KALRN: variants seen among roughly 807,000 people sequenced by gnomAD.
KALRN encodes the protein kalirin RhoGEF kinase, also known as kalirin.
A neutral mutation model predicts 353.7 loss-of-function variants in KALRN; 70 were observed. That is an observed-to-expected ratio of 0.20 (90% CI 0.16 to 0.24). KALRN has a LOEUF of 0.24. Ranked by LOEUF, KALRN falls within the 10% of genes least tolerant of loss-of-function variation. The probability of loss-of-function intolerance (pLI) is 1.00; values close to 1 mark genes in which losing one functional copy is unlikely to be tolerated. For synonymous variants in KALRN, 1,391 were observed against 1,434.8 expected, an observed-to-expected ratio of 0.97 and a Z score of 0.69; for missense variants, 2,791 against 3,756.7, an observed-to-expected ratio of 0.74 and a Z score of 6.72.
chr3:124,222,102 A>G (rs959740785), intron 1 of KALRN, among the ~76,000 whole-genome samples: 3 of 152,198 alleles, frequency 2.0e-5, no homozygotes, highest in Admixed American at 1.3e-4. Context: ...TCTTGGTGAC[A>G]GTATTTATGC....
Position 124,436,603 on chromosome 3 carries a change from T to C in KALRN, c.3048+2078T>C, listed in dbSNP as rs922017293. Among the ~76,000 whole-genome samples the C allele has an allele frequency of 2.8e-5, 4 of 143,122 alleles. 1 individual carries two copies. The highest frequency in any genetic ancestry group is 7.0e-5 in the Admixed American group (1 of 14,318). 93.9% of individuals were successfully genotyped at this position (143,122 alleles called of 152,430 possible). Reference sequence around the variant, plus strand: ...TTTGGTGACAGATCTTCTCATGTGATGCTAGAGATGGGACTGGAGAAGTCA... The same window carrying C: ...TTTGGTGACAGATCTTCTCATGTGACGCTAGAGATGGGACTGGAGAAGTCA... On this transcript the variant is annotated intron_variant, in intron 17 of 59. Transcript: ENST00000682506.
chr3:124,422,391 A>G (rs2092820432), intron 14 of KALRN, among the ~76,000 whole-genome samples: 2 of 152,290 alleles, frequency 1.3e-5, no homozygotes, highest in South Asian at 4.1e-4. Context: ...GCTAAAAAAA[A>G]AAGTGTGTCA....
chr3:124,527,099 T>A (rs748480466), intron 33 of KALRN, among the ~76,000 whole-genome samples: 79 of 152,136 alleles, frequency 5.2e-4, no homozygotes, highest in Non-Finnish European at 1.0e-3. Flanking sequence ...TGCAAAGGAA[T>A]GTAGGGAGTG....
chr3:124,265,371 C>T (rs1409085743), intron 4 of KALRN, among the ~76,000 whole-genome samples: 1 of 137,384 alleles, frequency 7.3e-6, no homozygotes, highest in African/African-American at 2.7e-5. Context: ...CGGCTCACTG[C>T]AACCTCTGCC....
chr3:124,300,650 G>A (rs1273823965), intron 6 of KALRN, among the ~76,000 whole-genome samples: 1 of 152,214 alleles, frequency 6.6e-6, no homozygotes, highest in Non-Finnish European at 1.5e-5. Flanking sequence ...TCACGTGCTG[G>A]GAAAGAGAGA....
intron 1 of KALRN, among the ~76,000 whole-genome samples, chr3:124,110,093 TA>T (rs2062772481): frequency 3.3e-5 from 1 of 30,384 alleles, no homozygotes; most frequent in Non-Finnish European, 5.7e-5. Flanking sequence ...TTGATATATA[TA>T]TGACATATAT....
intron 1 of KALRN, among the ~76,000 whole-genome samples, chr3:124,129,840 C>T (rs762210923): frequency 6.6e-6 from 1 of 152,156 alleles, no homozygotes; most frequent in Non-Finnish European, 1.5e-5. Flanking sequence ...AACCTCATTT[C>T]ATCTGTGAAA....
intron 19 of KALRN, among the ~76,000 whole-genome samples, chr3:124,443,627 G>T (rs1207478355): frequency 6.6e-6 from 1 of 152,174 alleles, no homozygotes; most frequent in Non-Finnish European, 1.5e-5. Context: ...TGGGAGCTTG[G>T]GTGAGGCCAG....
At chr3:124,649,972 AATAAT>A (rs2083235883) in intron 37 of KALRN, among the ~76,000 whole-genome samples, 1 of 77,760 alleles carries the variant, frequency 1.3e-5, no homozygotes, top group South Asian at 3.6e-4. Flanking sequence ...ATAAAATAAT[AATAAT>A]AATAATAATA....
intron 3 of KALRN, among the ~76,000 whole-genome samples, chr3:124,257,613 G>C (rs1009206531): frequency 6.6e-6 from 1 of 152,216 alleles, no homozygotes. Flanking sequence ...ACAGAACACA[G>C]CTCAGTTTGA....
chr3:124,175,954 C>G (rs2072675758), intron 1 of KALRN, among the ~76,000 whole-genome samples: 1 of 152,164 alleles, frequency 6.6e-6, no homozygotes, highest in East Asian at 1.9e-4. Context: ...TTCTCAAGAC[C>G]TAAAATTTTG....
chr3:124,404,498 G>A (rs1311614883), intron 13 of KALRN, among the ~76,000 whole-genome samples: 1 of 151,658 alleles, frequency 6.6e-6, no homozygotes, highest in Non-Finnish European at 1.5e-5. Context: ...CAGGAGATAG[G>A]TACCTTTTTA....
chr3:124,711,076 T>G (rs73195597), intron 57 of KALRN, among the ~76,000 whole-genome samples: 3,277 of 152,320 alleles, frequency 0.022, 71 homozygotes, highest in East Asian at 0.088. Context: ...GAAACAAAAC[T>G]GCCATTTTGA....
chr3:124,602,606 A>G (rs1245682014), intron 34 of KALRN, among the ~76,000 whole-genome samples: 1 of 152,144 alleles, frequency 6.6e-6, no homozygotes, highest in Non-Finnish European at 1.5e-5. Flanking sequence ...AGTGAGGGGA[A>G]TGTGTTCAGG....
chr3:124,548,736 C>T (rs988588288), intron 33 of KALRN, among the ~76,000 whole-genome samples: 2 of 152,248 alleles, frequency 1.3e-5, no homozygotes, highest in Non-Finnish European at 1.5e-5. Context: ...TCACTGCAAC[C>T]TCCACCTCCT....
At chr3:124,360,610 G>A (rs994360856) in intron 10 of KALRN, among the ~76,000 whole-genome samples, 1 of 152,230 alleles carries the variant, frequency 6.6e-6, no homozygotes, top group African/African-American at 2.4e-5. Context: ...TAGAAAGGAA[G>A]CAAGGAAAGC....
At chr3:124,312,335 AT>A (rs1669013087) in intron 6 of KALRN, among the ~76,000 whole-genome samples, 1 of 152,012 alleles carries the variant, frequency 6.6e-6, no homozygotes. Flanking sequence ...TAATTTTTGT[AT>A]TTTTAGTAGA....
intron 1 of KALRN, among the ~76,000 whole-genome samples, chr3:124,137,763 T>TGAGGTCTAGAG (rs1460211019): frequency 6.6e-6 from 1 of 152,114 alleles, no homozygotes; most frequent in Non-Finnish European, 1.5e-5. Context: ...ATGGGACTAC[T>TGAGGTCTAGAG]GAGGTCTAGA....
At chr3:124,426,121 C>T (rs973407933) in intron 15 of KALRN, among the ~76,000 whole-genome samples, 1 of 152,192 alleles carries the variant, frequency 6.6e-6, no homozygotes, top group Non-Finnish European at 1.5e-5. Flanking sequence ...CACCATGCCT[C>T]ATTAGACAGA....
Sources: gnomAD v4.1 joint callset for allele counts (sites outside exome capture counted in the v4.1 genomes callset) on GRCh38, gnomAD v4.1.1 for gene constraint, MANE v1.5 for transcripts, NCBI Gene and HGNC (gene_info 2026-07-23, HGNC 2026-07-21) for gene names.